GLIS3: variants seen among roughly 807,000 people sequenced by gnomAD.
GLIS3 encodes the protein zinc finger protein GLIS3.
A neutral mutation model predicts 78.6 loss-of-function variants in GLIS3; 53 were observed. The ratio of observed to expected loss-of-function variants is 0.67; its 90% CI spans 0.54 to 0.85. The LOEUF (loss-of-function observed/expected upper bound fraction) is 0.85, where lower values mean the gene tolerates loss of function less well. GLIS3 is among the 40% of genes least tolerant of loss of function. The pLI, the probability that GLIS3 is intolerant of heterozygous loss-of-function variation, is 0.00. For missense variants in GLIS3, 1,703 were observed against 1,231.1 expected (o/e 1.38, Z -5.74); for synonymous variants, 684 against 509.9 (o/e 1.34, Z -4.60).
chr9:3,996,548 G>T (rs1413617281), intron 4 of GLIS3, among the ~76,000 whole-genome samples: 2 of 152,158 alleles, frequency 1.3e-5, no homozygotes, highest in East Asian at 3.8e-4. Context: ...GTAGGATGCA[G>T]CTAAAGCAGT....
intron 7 of GLIS3, among the ~76,000 whole-genome samples, chr9:3,891,651 A>G (rs775315532): frequency 6.6e-6 from 1 of 152,198 alleles, no homozygotes; most frequent in African/African-American, 2.4e-5. Flanking sequence ...ACAGTGAGCT[A>G]TGATCATGCC....
chr9:4,191,389 A>T (rs1252637431), intron 2 of GLIS3, among the ~76,000 whole-genome samples: 1 of 152,224 alleles, frequency 6.6e-6, no homozygotes, highest in African/African-American at 2.4e-5. Flanking sequence ...TTATCATAAT[A>T]ATGTCCACAT....
At chr9:3,875,050 C>A (rs1326433199) in intron 8 of GLIS3, among the ~76,000 whole-genome samples, 2 of 152,178 alleles carry the variant, frequency 1.3e-5, no homozygotes, top group African/African-American at 4.8e-5. Flanking sequence ...AAAATTTCTG[C>A]ATTTCAAAAA....
intron 4 of GLIS3, among the ~76,000 whole-genome samples, chr9:4,037,747 C>T (rs1015756673): frequency 2.6e-5 from 4 of 152,194 alleles, no homozygotes; most frequent in African/African-American, 7.2e-5. Context: ...AGATTGTCAT[C>T]GTGCCCTTAT....
the GLIS3 span, among the ~76,000 whole-genome samples, chr9:4,377,874 G>A: frequency 1.1e-4 from 17 of 152,128 alleles, no homozygotes; most frequent in South Asian, 1.9e-3. Flanking sequence ...AGTTTTTAAC[G>A]TAGTTGTAAA....
At chr9:4,276,155 T>C (rs1010706317) in intron 2 of GLIS3, among the ~76,000 whole-genome samples, 1 of 150,192 alleles carries the variant, frequency 6.7e-6, no homozygotes, top group African/African-American at 2.5e-5. Flanking sequence ...TGGTGACACA[T>C]GCCTGTGGTC....
At chr9:4,248,310 C>T (rs1474735228) in intron 2 of GLIS3, among the ~76,000 whole-genome samples, 1 of 152,114 alleles carries the variant, frequency 6.6e-6, no homozygotes, top group Non-Finnish European at 1.5e-5. Flanking sequence ...CATTGTTCAA[C>T]TCCCACTTAG....
At chr9:3,882,503 G>A (rs1162537277) in intron 7 of GLIS3, among the ~76,000 whole-genome samples, 1 of 152,058 alleles carries the variant, frequency 6.6e-6, no homozygotes, top group Non-Finnish European at 1.5e-5. Flanking sequence ...ATTAGCAAAG[G>A]CCACTAGAAA....
rs573162139 is a variant in GLIS3, at chr9:4,200,827, A to G, written c.389-74886T>C. On this transcript the variant is annotated intron_variant, in intron 2 of 10. Coordinates refer to ENST00000381971, the MANE Select transcript of GLIS3 (RefSeq NM_001042413.2). ...ATCAAAGTGGAACGACTCCTGCCTAACTCGTTCTATGATGCAAGGATCACC... is the reference window on the plus strand; with the variant it reads ...ATCAAAGTGGAACGACTCCTGCCTAGCTCGTTCTATGATGCAAGGATCACC... Among the ~76,000 whole-genome samples, 76 of 152,288 alleles carry G rather than the reference A, an allele frequency of 5.0e-4. No homozygotes were observed. The South Asian group carries it at 0.013, about 27-fold the overall frequency.
chr9:4,382,787 A>G, the GLIS3 span, among the ~76,000 whole-genome samples: 2 of 152,166 alleles, frequency 1.3e-5, no homozygotes, highest in African/African-American at 2.4e-5. Context: ...TCCATTTCTC[A>G]TGTAGCTTTT....
chr9:4,183,074 T>G (rs1456358010), intron 2 of GLIS3, among the ~76,000 whole-genome samples: 1 of 152,204 alleles, frequency 6.6e-6, no homozygotes. Context: ...GGAAGTCATT[T>G]CCTGTGATGC....
At chr9:4,278,083 C>T (rs1827193064) in intron 2 of GLIS3, among the ~76,000 whole-genome samples, 1 of 152,188 alleles carries the variant, frequency 6.6e-6, no homozygotes, top group South Asian at 2.1e-4. Flanking sequence ...CTAAAAGTAA[C>T]TCTTCCTTGT....
chr9:4,341,451 T>C (rs1273570681), intron 2 of GLIS3, among the ~76,000 whole-genome samples: 3 of 152,234 alleles, frequency 2.0e-5, no homozygotes, highest in African/African-American at 7.2e-5. Context: ...AAGACTTGTC[T>C]CATTTCACAT....
chr9:4,104,793 T>C (rs551874183), intron 4 of GLIS3, among the ~76,000 whole-genome samples: 1 of 152,336 alleles, frequency 6.6e-6, no homozygotes, highest in South Asian at 2.1e-4. Flanking sequence ...ATCTGCATTA[T>C]TTATTATCTT....
At chr9:3,950,548 CT>C (rs2130841232) in intron 4 of GLIS3, among the ~76,000 whole-genome samples, 1 of 152,340 alleles carries the variant, frequency 6.6e-6, no homozygotes, top group Admixed American at 6.5e-5. Flanking sequence ...ATGCTATTTC[CT>C]TTGCCTGGAA....
At chr9:4,401,026 A>C in the GLIS3 span, among the ~76,000 whole-genome samples, 1 of 152,160 alleles carries the variant, frequency 6.6e-6, no homozygotes, top group East Asian at 1.9e-4. Context: ...TGTTTGAGAA[A>C]AGCAGAGGGA....
chr9:4,429,858 G>A, the GLIS3 span, among the ~76,000 whole-genome samples: 1 of 152,032 alleles, frequency 6.6e-6, no homozygotes, highest in African/African-American at 2.4e-5. Context: ...ACTAAAGCGG[G>A]TTTTTCATGC....
chr9:3,880,553 T>C (rs1051314135), intron 7 of GLIS3, among the ~76,000 whole-genome samples: 1 of 152,236 alleles, frequency 6.6e-6, no homozygotes, highest in South Asian at 2.1e-4. Context: ...TTCTGTTCTT[T>C]TTGAACTTAC....
In GLIS3 at chr9:4,197,917, G is replaced by C. The variant is rs556304554; in HGVS notation, c.389-71976C>G. Among the ~76,000 whole-genome samples the C allele has an allele frequency of 4.0e-5, 6 of 151,620 alleles. No individual in the cohort carries two copies. In the East Asian group the frequency reaches 9.7e-4, roughly 25 times the overall value. On this transcript the variant is annotated intron_variant, in intron 2 of 10. Coordinates refer to ENST00000381971, the MANE Select transcript of GLIS3 (RefSeq NM_001042413.2). ...TCTCTACAATCACGCCCCCTAGGAA[G>C]GGAGGGGAAAGGGAAAGGGAGAGGG...
Sources: gnomAD v4.1 joint callset for allele counts (sites outside exome capture counted in the v4.1 genomes callset) on GRCh38, gnomAD v4.1.1 for gene constraint, MANE v1.5 for transcripts, NCBI Gene and HGNC (gene_info 2026-07-23, HGNC 2026-07-21) for gene names.